ROPN1L: variants seen among roughly 807,000 people sequenced by gnomAD.
ROPN1L encodes the protein rhophilin associated tail protein 1 like.
Under a neutral mutation model 22.7 loss-of-function variants are expected in ROPN1L, and 23 were observed. That is an observed-to-expected ratio of 1.01 (90% confidence interval 0.73 to 1.43). The LOEUF (loss-of-function observed/expected upper bound fraction) is 1.43, where lower values mean the gene tolerates loss of function less well. Ranked by LOEUF, ROPN1L falls within the 40% of genes most tolerant of loss-of-function variation. The pLI is 0.00. For missense variants in ROPN1L, 271 were observed against 291.5 expected (o/e 0.93, Z 0.51); for synonymous variants, 116 against 117.8 (o/e 0.98, Z 0.10).
chr5:10,466,699 G>C (rs2126476513), downstream of ROPN1L, among the ~76,000 whole-genome samples: 2 of 152,302 alleles, frequency 1.3e-5, 1 homozygote, highest in South Asian at 4.2e-4. Context: ...CCTTGAAAAG[G>C]CTTTTGTCTC....
In ROPN1L at chr5:10,461,364, G is replaced by A; in HGVS notation, c.593+5G>A. 1 of 1,611,344 alleles carries A rather than the reference G, an allele frequency of 6.2e-7. No individual in the cohort carries two copies. Among genetic ancestry groups the A allele is most frequent in the Non-Finnish European group, 8.5e-7 (1 of 1,177,730 alleles). ...TGCCTCTCTAAAGGAAAATATGTAA[G>A]TATGCACCCTCTCTAGGATTCAGGT... On this transcript the variant is annotated splice_donor_5th_base_variant and intron_variant, in intron 4 of 4. Transcript: ENST00000274134.
chr5:10,451,310 C>T (rs2126441501), intron 3 of ROPN1L, among the ~76,000 whole-genome samples: 1 of 152,282 alleles, frequency 6.6e-6, no homozygotes, highest in East Asian at 1.9e-4. Context: ...ACTAATGCAC[C>T]AACAGTCACT....
At chr5:10,474,616 C>T (rs560678991), downstream of ROPN1L, among the ~76,000 whole-genome samples, 3 of 152,356 alleles carry the variant, frequency 2.0e-5, no homozygotes, top group South Asian at 2.1e-4. Flanking sequence ...ATTGCAGCCT[C>T]GGCCCACGCC....
the ROPN1L span, chr5:10,482,268 T>C: frequency 6.6e-6 from 1 of 151,422 alleles, no homozygotes; most frequent in Non-Finnish European, 1.5e-5. Context: ...TTTCTTATCA[T>C]AGTTTACCGC....
intron 4 of ROPN1L, 137 bp downstream of exon 4, chr5:10,461,496 T>C (rs1438061021): frequency 8.1e-6 from 6 of 744,316 alleles, no homozygotes; most frequent in Non-Finnish European, 1.3e-5. Context: ...AAGACTGCTA[T>C]GATCAAATGT....
chr5:10,458,284 G>A (rs1413163764), intron 3 of ROPN1L, among the ~76,000 whole-genome samples: 8 of 151,732 alleles, frequency 5.3e-5, no homozygotes, highest in Admixed American at 1.3e-4. Context: ...TCCTGGCTGC[G>A]CCTTTCAAGT....
At chr5:10,477,467 A>G in the ROPN1L span, among the ~76,000 whole-genome samples, 2 of 152,246 alleles carry the variant, frequency 1.3e-5, no homozygotes, top group African/African-American at 2.4e-5. Flanking sequence ...CCAGCCAGGA[A>G]CTGAGCTGAC....
intron 3 of ROPN1L, among the ~76,000 whole-genome samples, chr5:10,459,874 C>T (rs757566331): frequency 2.9e-4 from 44 of 152,234 alleles, no homozygotes; most frequent in Non-Finnish European, 3.8e-4. Context: ...TTCACTGCTA[C>T]ATCCTGGTGT....
chr5:10,448,213 G>A (rs1235268872), intron 1 of ROPN1L, 47 bp from the exon 2 acceptor site: 2 of 1,609,654 alleles, frequency 1.2e-6, no homozygotes, highest in South Asian at 1.1e-5. Context: ...TCGCATAGCT[G>A]TTTTTTGTGT....
chr5:10,480,080 A>C, the ROPN1L span, among the ~76,000 whole-genome samples: 1 of 152,196 alleles, frequency 6.6e-6, no homozygotes, highest in African/African-American at 2.4e-5. Context: ...GAAGACAAAA[A>C]ATAACCCATG....
intron 3 of ROPN1L, among the ~76,000 whole-genome samples, chr5:10,450,715 G>C (rs1403915199): frequency 1.3e-5 from 2 of 152,154 alleles, no homozygotes; most frequent in African/African-American, 4.8e-5. Flanking sequence ...TGTTGGTCAG[G>C]CTGGTCTCGA....
chr5:10,472,453 G>A (rs993178536), downstream of ROPN1L, among the ~76,000 whole-genome samples: 3 of 152,214 alleles, frequency 2.0e-5, no homozygotes, highest in Non-Finnish European at 4.4e-5. Flanking sequence ...ACGGATGAGA[G>A]CCTTCTCTGG....
chr5:10,446,430 G>T (rs1368546669), intron 1 of ROPN1L, among the ~76,000 whole-genome samples: 1 of 152,126 alleles, frequency 6.6e-6, no homozygotes, highest in Non-Finnish European at 1.5e-5. Flanking sequence ...AGGCTGAGGC[G>T]GGTTGATTGT....
At chr5:10,469,834 A>G (rs1735217547), downstream of ROPN1L, among the ~76,000 whole-genome samples, 2 of 152,224 alleles carry the variant, frequency 1.3e-5, no homozygotes, top group African/African-American at 4.8e-5. Flanking sequence ...CTCCAGAAAT[A>G]CGTGCTTACC....
downstream of ROPN1L, among the ~76,000 whole-genome samples, chr5:10,474,457 G>A (rs1370850097): frequency 6.6e-6 from 1 of 152,238 alleles, no homozygotes; most frequent in Non-Finnish European, 1.5e-5. Context: ...GGCACCAGGT[G>A]CTGAGGACAT....
At chr5:10,464,259 G>A (rs1440795076) in intron 4 of ROPN1L, among the ~76,000 whole-genome samples, 2 of 152,132 alleles carry the variant, frequency 1.3e-5, no homozygotes, top group African/African-American at 4.8e-5. Context: ...GAAGACCGCA[G>A]CTCCCAAGCC....
chr5:10,460,824 A>G (rs1735008482), intron 3 of ROPN1L, among the ~76,000 whole-genome samples: 1 of 152,238 alleles, frequency 6.6e-6, no homozygotes, highest in African/African-American at 2.4e-5. Context: ...GCCCCTGGGC[A>G]CGTCCCCGGG....
At chr5:10,444,853 C>G (rs1358654530) in intron 1 of ROPN1L, among the ~76,000 whole-genome samples, 1 of 151,764 alleles carries the variant, frequency 6.6e-6, no homozygotes, top group South Asian at 2.1e-4. Flanking sequence ...GAGCCAAGAT[C>G]GTGCCACTGC....
At chr5:10,451,969 T>TATCTATCTATCTATCTA (rs1741269103) in intron 3 of ROPN1L, among the ~76,000 whole-genome samples, 1 of 151,194 alleles carries the variant, frequency 6.6e-6, no homozygotes, top group Admixed American at 6.6e-5. Flanking sequence ...CTATCTAATC[T>TATCTATCTATCTATCTA]ATCTATCTAT....
Sources: gnomAD v4.1 joint callset for allele counts (sites outside exome capture counted in the v4.1 genomes callset) on GRCh38, gnomAD v4.1.1 for gene constraint, MANE v1.5 for transcripts, NCBI Gene and HGNC (gene_info 2026-07-23, HGNC 2026-07-21) for gene names.